The following UBR3 variants were observed in gnomAD, a reference collection of about 807,000 sequenced individuals.
UBR3 encodes the protein E3 ubiquitin-protein ligase UBR3.
A neutral mutation model predicts 243.2 loss-of-function variants in UBR3; 85 were observed. The observed-to-expected ratio is 0.35, with a 90% CI of 0.29 to 0.42. The LOEUF is 0.42. Among genes scored for constraint, UBR3 ranks in the 10% least tolerant of loss-of-function variants. The pLI is 1.00. For missense variants in UBR3, 1,686 were observed against 2,300.8 expected (o/e 0.73, Z 5.47); for synonymous variants, 748 against 799.8 (o/e 0.94, Z 1.09).
intron 27 of UBR3, among the ~76,000 whole-genome samples, chr2:170,003,072 G>A (rs1276202623): frequency 6.6e-6 from 1 of 151,992 alleles, no homozygotes. Context: ...CTCACTTTCA[G>A]TCCCTTACCA....
chr2:169,937,057 A>T (rs2086366513), intron 19 of UBR3, among the ~76,000 whole-genome samples: 1 of 152,202 alleles, frequency 6.6e-6, no homozygotes, highest in African/African-American at 2.4e-5. Flanking sequence ...TGGCTGGGTC[A>T]AATGGTATTT....
chr2:169,849,349 C>T lies in UBR3; in HGVS notation c.545+21297C>T, dbSNP rs778386977. 7.9e-5 allele frequency among the ~76,000 whole-genome samples: 12 copies of T among 152,336 alleles called. No homozygotes were observed. The South Asian group carries it at 1.2e-3, about 16-fold the overall frequency. On this transcript the variant is annotated intron_variant, in intron 1 of 38. Transcript: ENST00000272793. ...TTTCTCTGAAATGGTGCTGGATGAA[C>T]GCCTCAAGGGGCTCACACAACCTCT...
intron 23 of UBR3, among the ~76,000 whole-genome samples, chr2:169,952,614 G>C (rs954442154): frequency 6.6e-6 from 1 of 152,082 alleles, no homozygotes; most frequent in Non-Finnish European, 1.5e-5. Flanking sequence ...AGAATTGCTT[G>C]AACCTGGGAG....
In UBR3 at chr2:169,860,729, A is replaced by G. The variant is rs943710802; in HGVS notation, c.546-11507A>G. Among the ~76,000 whole-genome samples the G allele has an allele frequency of 1.3e-4, 20 of 152,220 alleles. 1 individual carries two copies. The highest frequency in any genetic ancestry group is 4.8e-4 in the African/African-American group (20 of 41,462). On this transcript the variant is annotated intron_variant, in intron 1 of 38. Transcript: ENST00000272793. ...AGCCTTGTATTAGTCAGGGTTCTCT[A>G]GAGTGACAGAACTAATAGGATATAT...
intron 2 of UBR3, among the ~76,000 whole-genome samples, chr2:169,874,397 T>C (rs900032459): frequency 1.1e-4 from 16 of 152,180 alleles, no homozygotes; most frequent in Non-Finnish European, 2.1e-4. Flanking sequence ...CTCAAACTCC[T>C]GACCTCAGAT....
rs1319739441 is a variant in UBR3 at position 170,034,846 on chromosome 2, T to C, written c.4556+5398T>C. On this transcript the variant is annotated intron_variant, in intron 31 of 38. Transcript: ENST00000272793. ...CTTTGTCAACATTTGGTATTATCAG[T>C]GTTCTAGATTTTGGCCATTCTAATA... Among the ~76,000 whole-genome samples the C allele has an allele frequency of 4.6e-5, 7 of 151,976 alleles. No individual in the cohort carries two copies. The South Asian group carries it at 6.2e-4, about 13-fold the overall frequency.
chr2:170,074,396 G>A (rs2091762898), intron 36 of UBR3, among the ~76,000 whole-genome samples: 1 of 152,066 alleles, frequency 6.6e-6, no homozygotes, highest in African/African-American at 2.4e-5. Context: ...GCTACAGTAG[G>A]AACATGCGGC....
intron 27 of UBR3, among the ~76,000 whole-genome samples, chr2:170,004,608 G>A (rs991183275): frequency 1.3e-5 from 2 of 152,036 alleles, no homozygotes; most frequent in East Asian, 1.9e-4. Context: ...GTGAGGAGGT[G>A]GTTTGAAAAA....
chr2:169,895,889 T>TC (rs1242127391), intron 7 of UBR3, among the ~76,000 whole-genome samples: 1 of 152,166 alleles, frequency 6.6e-6, no homozygotes, highest in Non-Finnish European at 1.5e-5. Flanking sequence ...AGCATGCTGT[T>TC]ATTTTTATGG....
At chr2:169,896,807 T>C (rs2084609575) in intron 8 of UBR3, 72 bp downstream of exon 8, 1 of 1,040,944 alleles carries the variant, frequency 9.6e-7, no homozygotes, top group African/African-American at 1.6e-5. Flanking sequence ...GTGTACTTCA[T>C]ATACTTAGTA....
rs1475009203 is a variant in UBR3 at position 169,906,125 on chromosome 2, A to G, written c.1740A>G (p.Ala580=). The G allele has an allele frequency of 6.4e-7, 1 of 1,551,072 alleles. No homozygotes were observed. The highest frequency in any genetic ancestry group is 1.4e-5 in the African/African-American group (1 of 73,150). ...AAFAAELEAC[A]QPMWGLLSHC... ...TTGCTGCTGAACTTGAGGCCTGTGCACAGCCAATGTGGGGGCTTTTATCAC... is the reference window on the plus strand; with the variant it reads ...TTGCTGCTGAACTTGAGGCCTGTGCGCAGCCAATGTGGGGGCTTTTATCAC... Residue 580 remains alanine, a synonymous_variant, in exon 10 of 39, where the codon GCA becomes GCG. Coordinates refer to ENST00000272793, the MANE Select transcript of UBR3 (RefSeq NM_172070.4).
intron 29 of UBR3, 72 bp from the exon 30 acceptor site, chr2:170,015,209 C>A: frequency 1.5e-6 from 2 of 1,301,846 alleles, no homozygotes; most frequent in Admixed American, 2.3e-5. Flanking sequence ...TAGGTTGATT[C>A]AGACATGTCA....
chr2:169,914,682 G>T (rs557577559), intron 11 of UBR3, among the ~76,000 whole-genome samples: 2 of 152,134 alleles, frequency 1.3e-5, no homozygotes, highest in Non-Finnish European at 2.9e-5. Flanking sequence ...ACCATCAGAA[G>T]CTCCTTTTAT....
chr2:169,915,712 G>A (rs1017886724), intron 11 of UBR3, among the ~76,000 whole-genome samples: 2 of 152,108 alleles, frequency 1.3e-5, no homozygotes, highest in Non-Finnish European at 2.9e-5. Flanking sequence ...CACTTGATTA[G>A]GGTGGTACCT....
rs533774753 is a variant in UBR3 at position 170,082,148 on chromosome 2, C to T, written c.*305C>T. On this transcript the variant is annotated 3_prime_UTR_variant, in exon 39 of 39. Transcript: ENST00000272793. ...TTCAGAAATGATTCTCCCAACAATG[C>T]GTATCAGCTATTCATTGATACTTAG... 2.2e-5 allele frequency: 5 copies of T among 231,104 alleles called. No individual in the cohort carries two copies. Among genetic ancestry groups the T allele is most frequent in the Non-Finnish European group, 4.1e-5 (5 of 120,736 alleles). The allele number at this position is 231,104 out of a possible 1,614,324, so 14.3% of individuals were successfully genotyped here. A position where few individuals can be genotyped will look rare whatever the true frequency, so the allele number is the denominator to read the frequency against.
intron 1 of UBR3, among the ~76,000 whole-genome samples, chr2:169,829,814 TACACACACACACAC>T (rs10530118): frequency 0.07 from 10,412 of 149,216 alleles, 468 homozygotes; most frequent in Non-Finnish European, 0.11. Context: ...AGCTAAAAAG[TACACACACACACAC>T]ACACACACAC....
chr2:169,890,512 C>T (rs1274722004), intron 5 of UBR3, among the ~76,000 whole-genome samples: 7 of 97,946 alleles, frequency 7.1e-5, no homozygotes, highest in South Asian at 3.5e-4. Context: ...ATTTTTAGTG[C>T]GAGGTTTTTC....
intron 26 of UBR3, among the ~76,000 whole-genome samples, chr2:169,997,336 T>C (rs1294240949): frequency 1.2e-4 from 19 of 152,246 alleles, no homozygotes; most frequent in Admixed American, 1.2e-3. Flanking sequence ...GCTCTTCCTG[T>C]GGTGGGGCCA....
intron 1 of UBR3, among the ~76,000 whole-genome samples, chr2:169,847,122 T>TGC (rs2082510978): frequency 2.6e-5 from 2 of 77,716 alleles, no homozygotes; most frequent in African/African-American, 1.1e-4. Flanking sequence ...TGTGTGTGTG[T>TGC]GTGCGCTGGC....
Sources: allele counts gnomAD v4.1 joint callset (sites outside exome capture counted in the v4.1 genomes callset), GRCh38; gene constraint gnomAD v4.1.1; transcripts MANE v1.5; gene names NCBI Gene and HGNC (gene_info 2026-07-23, HGNC 2026-07-21).